The following ADGRF5 variants were observed in gnomAD, a reference collection of about 807,000 sequenced individuals.
ADGRF5 encodes adhesion G protein-coupled receptor F5.
A neutral mutation model predicts 132.3 loss-of-function variants in ADGRF5; 75 were observed. The ratio of observed to expected loss-of-function variants is 0.57; its 90% CI spans 0.47 to 0.69. The LOEUF is 0.69. ADGRF5 is among the 30% of genes least tolerant of loss of function. The pLI, the probability that ADGRF5 is intolerant of heterozygous loss-of-function variation, is 0.00. For missense variants in ADGRF5, 1,516 were observed against 1,630.6 expected, an observed-to-expected ratio of 0.93 and a Z score of 1.21; for synonymous variants, 629 against 597.6, an observed-to-expected ratio of 1.05 and a Z score of -0.77.
Position 46,852,761 on chromosome 6 carries a change from G to A in ADGRF5, c.*1231C>T, listed in dbSNP as rs1768630003. 6.6e-6 allele frequency: 1 copy of A among 151,562 alleles called. No homozygotes were observed. Among genetic ancestry groups the A allele is most frequent in the Non-Finnish European group, 1.5e-5 (1 of 68,028 alleles). The allele number at this position is 151,562 out of a possible 1,614,324, so 9.4% of individuals were successfully genotyped here. ...CAACCGAATGTAAAATTTCTTTCCA[G>A]GAGCTTTCCACGTGGTTGGAATAAA... On this transcript the variant is annotated 3_prime_UTR_variant, in exon 21 of 21. Coordinates refer to ENST00000283296, the MANE Select transcript of ADGRF5 (RefSeq NM_001098518.2).
intron 3 of ADGRF5, among the ~76,000 whole-genome samples, chr6:46,890,311 T>A (rs1306401216): frequency 6.6e-6 from 1 of 152,042 alleles, no homozygotes; most frequent in Non-Finnish European, 1.5e-5. Context: ...CAGGCTTGTT[T>A]TGAACTCTTG....
At chr6:46,867,222 A>AT (rs1770555318) in intron 12 of ADGRF5, 85 bp from the exon 13 acceptor site, 1 of 765,818 alleles carries the variant, frequency 1.3e-6, no homozygotes, top group East Asian at 2.6e-5. Context: ...AAGAGGCTTA[A>AT]TTTTCCCTCT....
intron 19 of ADGRF5, 89 bp from the exon 20 acceptor site, chr6:46,856,147 C>G: frequency 1.4e-6 from 1 of 728,200 alleles, no homozygotes; most frequent in Non-Finnish European, 2.5e-6. Flanking sequence ...TTTCCACCCT[C>G]TAGTGGTCAC....
chr6:46,905,012 C>A (rs1775172819), intron 2 of ADGRF5, among the ~76,000 whole-genome samples: 1 of 152,166 alleles, frequency 6.6e-6, no homozygotes, highest in African/African-American at 2.4e-5. Context: ...CCCTGACCAG[C>A]CTTCACCACC....
Position 46,871,970 on chromosome 6 carries a change from G to T in ADGRF5, c.1284C>A (p.Thr428=), listed in dbSNP as rs1771111798. ...TDIDSSCSRY[T]LKADGTQCPS... ...GGCACTGGGTTCCATCAGCCTTGAG[G>T]GTGTATCTGCTGCAGCTAGAATCTA... Residue 428 remains threonine (T), a synonymous_variant, in exon 11 of 21, where the codon ACC becomes ACA. Transcript: ENST00000283296. 6.2e-7 allele frequency: 1 copy of T among 1,612,522 alleles called. No homozygotes were observed. The highest frequency in any genetic ancestry group is 8.5e-7 in the Non-Finnish European group (1 of 1,179,034).
intron 12 of ADGRF5, 59 bp from the exon 13 acceptor site, chr6:46,867,196 T>C: frequency 4.9e-6 from 5 of 1,020,358 alleles, no homozygotes; most frequent in Non-Finnish European, 3.1e-6. Flanking sequence ...CAAAAGCATC[T>C]GCTGGGAAGG....
intron 1 of ADGRF5, among the ~76,000 whole-genome samples, chr6:46,912,939 T>G (rs1004167327): frequency 1.3e-5 from 2 of 152,222 alleles, no homozygotes; most frequent in Non-Finnish European, 1.5e-5. Context: ...AGCAACATTC[T>G]ATAAAATCCC....
At chr6:46,869,174 T>A in intron 11 of ADGRF5, 82 bp from the exon 12 acceptor site, 1 of 1,537,156 alleles carries the variant, frequency 6.5e-7, no homozygotes, top group Non-Finnish European at 8.8e-7. Context: ...AACATATGAC[T>A]GAAACTTCAG....
chr6:46,885,110 C>T lies in ADGRF5; in HGVS notation c.329-839G>A, dbSNP rs569614181. Reference sequence around the variant, plus strand: ...TCAGGAGGCTGAGGTGGGAGGATTGCTTGAGCCTGGGAGGAAGAGGTTGCA... The same window carrying T: ...TCAGGAGGCTGAGGTGGGAGGATTGTTTGAGCCTGGGAGGAAGAGGTTGCA... On this transcript the variant is annotated intron_variant, in intron 4 of 20. Transcript: ENST00000283296. 1.2e-4 allele frequency among the ~76,000 whole-genome samples: 18 copies of T among 150,322 alleles called. No homozygotes were observed. The South Asian group carries it at 3.8e-3, about 31-fold the overall frequency.
intron 10 of ADGRF5, among the ~76,000 whole-genome samples, chr6:46,877,233 T>C (rs933059182): frequency 4.1e-5 from 1 of 24,650 alleles, no homozygotes; most frequent in Non-Finnish European, 7.9e-5. Flanking sequence ...CTCTCTTTCT[T>C]TCTTTCTTTC....
chr6:46,940,475 A>G (rs1778005274), intron 1 of ADGRF5, among the ~76,000 whole-genome samples: 1 of 152,134 alleles, frequency 6.6e-6, no homozygotes, highest in African/African-American at 2.4e-5. Context: ...CTTATCTACA[A>G]TGGAGGAAAT....
At chr6:46,947,430 A>T (rs1052786468) in intron 1 of ADGRF5, among the ~76,000 whole-genome samples, 1 of 152,256 alleles carries the variant, frequency 6.6e-6, no homozygotes, top group Admixed American at 6.5e-5. Context: ...ACACACAAAC[A>T]TATGCACACT....
chr6:46,873,669 C>T (rs1046107732), intron 10 of ADGRF5, among the ~76,000 whole-genome samples: 19 of 152,126 alleles, frequency 1.2e-4, no homozygotes, highest in African/African-American at 3.1e-4. Context: ...ATTTGGATGA[C>T]TCCCACTCTA....
intron 4 of ADGRF5, among the ~76,000 whole-genome samples, chr6:46,885,966 G>C (rs1273668378): frequency 6.6e-6 from 1 of 152,176 alleles, no homozygotes; most frequent in Non-Finnish European, 1.5e-5. Flanking sequence ...ACTCTGTTGT[G>C]CACCAATAGA....
intron 7 of ADGRF5, 27 bp downstream of exon 7, chr6:46,882,022 G>T (rs768445460): frequency 1.3e-6 from 2 of 1,527,330 alleles, no homozygotes; most frequent in Admixed American, 3.3e-5. Context: ...CCATAAATTA[G>T]AAATGATCAA....
intron 9 of ADGRF5, among the ~76,000 whole-genome samples, chr6:46,878,986 G>C (rs908215032): frequency 6.4e-4 from 98 of 152,260 alleles, no homozygotes; most frequent in African/African-American, 2.1e-3. Context: ...GATAACAGTG[G>C]AGAACCAGAA....
At chr6:46,896,357 C>T (rs902652940) in intron 3 of ADGRF5, among the ~76,000 whole-genome samples, 35 of 152,212 alleles carry the variant, frequency 2.3e-4, no homozygotes, top group African/African-American at 7.2e-4. Flanking sequence ...AGGTTTCATG[C>T]AGGCTTCTTT....
intron 3 of ADGRF5, among the ~76,000 whole-genome samples, chr6:46,899,514 C>T (rs761502922): frequency 6.6e-6 from 1 of 152,152 alleles, no homozygotes; most frequent in South Asian, 2.1e-4. Context: ...TCACCTACCC[C>T]TAACCCTCCA....
At chr6:46,925,667 G>A (rs1267035928), upstream of ADGRF5, among the ~76,000 whole-genome samples, 3 of 152,236 alleles carry the variant, frequency 2.0e-5, no homozygotes, top group Non-Finnish European at 4.4e-5. Flanking sequence ...TGAGGAAGGA[G>A]AATTGCTTGA....
Sources: gnomAD v4.1 joint callset for allele counts (sites outside exome capture counted in the v4.1 genomes callset) on GRCh38, gnomAD v4.1.1 for gene constraint, MANE v1.5 for transcripts, NCBI Gene and HGNC (gene_info 2026-07-23, HGNC 2026-07-21) for gene names.